WDFY4: variants seen among roughly 807,000 people sequenced by gnomAD.
WDFY4 encodes the protein WD repeat- and FYVE domain-containing protein 4.
Under a neutral mutation model 351.9 loss-of-function variants are expected in WDFY4, and 169 were observed. The ratio of observed to expected loss-of-function variants is 0.48; its 90% CI spans 0.42 to 0.55. WDFY4 has a LOEUF of 0.55. Among genes scored for constraint, WDFY4 ranks in the 20% least tolerant of loss-of-function variants. The pLI, the probability that WDFY4 is intolerant of heterozygous loss-of-function variation, is 0.00. For synonymous variants in WDFY4, 1,622 were observed against 1,574.6 expected, an observed-to-expected ratio of 1.03 and a Z score of -0.71; for missense variants, 3,803 against 3,935.6, an observed-to-expected ratio of 0.97 and a Z score of 0.90.
chr10:48,901,870 G>C lies in WDFY4; in HGVS notation c.7586+7G>C. ...AGGACACCCTCAGTCTAAGGTAATG[G>C]CGGGTAGCCATGCTGTCTGGGCATG... On this transcript the variant is annotated splice_region_variant and intron_variant, in intron 47 of 61. Transcript: ENST00000325239. 6.4e-7 allele frequency: 1 copy of C among 1,551,444 alleles called. No homozygotes were observed. Among genetic ancestry groups the C allele is most frequent in the Non-Finnish European group, 8.7e-7 (1 of 1,146,782 alleles).
intron 12 of WDFY4, among the ~76,000 whole-genome samples, chr10:48,747,277 G>A (rs1001518784): frequency 5.9e-5 from 9 of 151,778 alleles, no homozygotes; most frequent in Admixed American, 2.0e-4. Flanking sequence ...TTCTCTGGTC[G>A]CTTTTAAGAT....
intron 12 of WDFY4, among the ~76,000 whole-genome samples, chr10:48,747,566 A>G (rs2065052301): frequency 6.6e-6 from 1 of 151,962 alleles, no homozygotes; most frequent in Non-Finnish European, 1.5e-5. Flanking sequence ...TGTTCCACAC[A>G]GTTTCTTTTG....
intron 57 of WDFY4, among the ~76,000 whole-genome samples, chr10:48,971,700 G>A (rs1842345070): frequency 6.6e-6 from 1 of 152,164 alleles, no homozygotes; most frequent in Admixed American, 6.5e-5. Flanking sequence ...GTGCTGCGTG[G>A]GCACTCAGCA....
At chr10:48,947,956 G>A (rs1184759779) in intron 51 of WDFY4, among the ~76,000 whole-genome samples, 1 of 152,186 alleles carries the variant, frequency 6.6e-6, no homozygotes, top group Non-Finnish European at 1.5e-5. Flanking sequence ...TCTCAGAAAA[G>A]CCTGGGTATC....
At chr10:48,803,480 C>T in intron 25 of WDFY4, 121 bp downstream of exon 25, 1 of 942,632 alleles carries the variant, frequency 1.1e-6, no homozygotes, top group Non-Finnish European at 1.6e-6. Flanking sequence ...CAAATGGGAG[C>T]ACATCCTTCC....
chr10:48,715,038 A>T (rs1050695454), intron 2 of WDFY4, among the ~76,000 whole-genome samples: 2 of 152,192 alleles, frequency 1.3e-5, no homozygotes, highest in African/African-American at 4.8e-5. Flanking sequence ...TCACTCCTAG[A>T]GTCTAGCTGC....
Position 48,894,714 on chromosome 10 carries a change from G to A in WDFY4, c.7317-2740G>A, listed in dbSNP as rs145325308. On this transcript the variant is annotated intron_variant, in intron 44 of 61. Transcript: ENST00000325239. The stretch of plus-strand genomic sequence containing the variant: ...CAGGGGAGAGAGAACAGCCAGACCT[G>A]CAGCTAAGGTATGGAGAATATTTTC... 2.7e-3 allele frequency among the ~76,000 whole-genome samples: 409 copies of A among 152,330 alleles called. 3 individuals carry two copies. The highest frequency in any genetic ancestry group is 9.2e-3 in the African/African-American group (381 of 41,584).
chr10:48,974,527 A>AAAAAAAAAAAAAAAAAAAAACAAC, intron 57 of WDFY4, among the ~76,000 whole-genome samples: 5 of 23,198 alleles, frequency 2.2e-4, no homozygotes, highest in African/African-American at 2.9e-4. Flanking sequence ...AAAAAAAAAA[A>AAAAAAAAAAAAAAAAAAAAACAAC]AACAACTCAT....
At chr10:48,896,677 G>GA (rs990332671) in intron 44 of WDFY4, among the ~76,000 whole-genome samples, 7 of 152,068 alleles carry the variant, frequency 4.6e-5, no homozygotes, top group African/African-American at 9.7e-5. Flanking sequence ...TCTTCCCTGT[G>GA]GTGCCTGACC....
intron 2 of WDFY4, among the ~76,000 whole-genome samples, chr10:48,712,683 C>A (rs185309805): frequency 9.3e-4 from 142 of 152,252 alleles, no homozygotes; most frequent in Admixed American, 2.2e-3. Flanking sequence ...CAAATCTAAC[C>A]TGAGATGAAG....
chr10:48,702,345 A>G (rs2063502282), intron 1 of WDFY4, among the ~76,000 whole-genome samples: 1 of 152,176 alleles, frequency 6.6e-6, no homozygotes, highest in Admixed American at 6.5e-5. Context: ...AAGAAACAGG[A>G]CATTTCTATC....
At chr10:48,751,838 C>T (rs1255313550) in intron 12 of WDFY4, among the ~76,000 whole-genome samples, 1 of 152,164 alleles carries the variant, frequency 6.6e-6, no homozygotes, top group Non-Finnish European at 1.5e-5. Context: ...TGTCATGCAG[C>T]TGCTGTGGGT....
At position 48,776,911 on chromosome 10, in the gene WDFY4, C is replaced by G; in HGVS notation, c.3025C>G (p.Arg1009Gly). The G allele has an allele frequency of 6.4e-7, 1 of 1,552,220 alleles. No individual in the cohort carries two copies. Among genetic ancestry groups the G allele is most frequent in the South Asian group, 1.2e-5 (1 of 84,064 alleles). Residue 1009 changes from arginine to glycine, a missense_variant, in exon 16 of 62, where the codon CGC (arginine) becomes GGC (glycine). Physicochemically the swap from Arg to Gly is moderately radical, Grantham distance 125 (BLOSUM62 -2). This residue lies in a region of WDFY4 where 3,054 missense variants were observed against 3,148.6 expected (regional missense o/e 0.97). Transcript: ENST00000325239. ...ALSLISMTSP[R>G]NLQPQRAALA... Reference sequence around the variant, plus strand: ...GAGCCTCATCTCCATGACCTCCCCACGCAACCTGCAGCCTCAGAGGGCAGC... The same window carrying G: ...GAGCCTCATCTCCATGACCTCCCCAGGCAACCTGCAGCCTCAGAGGGCAGC...
intron 13 of WDFY4, among the ~76,000 whole-genome samples, chr10:48,762,435 G>A (rs921023308): frequency 2.6e-5 from 4 of 152,226 alleles, no homozygotes; most frequent in Non-Finnish European, 5.9e-5. Flanking sequence ...ACACATAACA[G>A]TGAGATTTGG....
intron 37 of WDFY4, among the ~76,000 whole-genome samples, chr10:48,829,755 G>A (rs2068125547): frequency 1.3e-5 from 2 of 152,134 alleles, no homozygotes; most frequent in South Asian, 4.1e-4. Context: ...GGGAGGCTGA[G>A]GCAGGAAAAT....
chr10:48,819,773 G>A (rs1299844703), intron 32 of WDFY4, among the ~76,000 whole-genome samples: 2 of 152,218 alleles, frequency 1.3e-5, no homozygotes, highest in Non-Finnish European at 2.9e-5. Context: ...AGACTGGGCA[G>A]GAGGTAGAGG....
Position 48,957,270 on chromosome 10 carries a change from G to T in WDFY4, c.8119G>T (p.Gly2707Trp), listed in dbSNP as rs201559690. The part of the protein sequence containing the change: ...YLPEFLTNCN[G>W]VEFGCMQDGT... Reference sequence around the variant, plus strand: ...GCCTGAGTTCTTAACCAACTGCAACGGGGTAGAGTTCGGTAAGTGGAGGCC... The same window carrying T: ...GCCTGAGTTCTTAACCAACTGCAACTGGGTAGAGTTCGGTAAGTGGAGGCC... Residue 2707 changes from glycine to tryptophan, a missense_variant, in exon 52 of 62, where the codon GGG becomes TGG. Around this residue, in one of 3 missense-constraint regions of WDFY4, gnomAD observed 3,054 missense variants for 3,148.6 expected, o/e 0.97. Transcript: ENST00000325239. 2 of 1,551,196 alleles carry T rather than the reference G, an allele frequency of 1.3e-6. No individual in the cohort carries two copies. Among genetic ancestry groups the T allele is most frequent in the Non-Finnish European group, 1.7e-6 (2 of 1,146,564 alleles).
intron 25 of WDFY4, among the ~76,000 whole-genome samples, chr10:48,803,783 A>G (rs1395454040): frequency 6.6e-6 from 1 of 152,242 alleles, no homozygotes; most frequent in Non-Finnish European, 1.5e-5. Flanking sequence ...CAGGAAGAAA[A>G]GACCAGTAAA....
chr10:48,890,758 TC>T, intron 44 of WDFY4, 31 bp downstream of exon 44: 1 of 1,550,864 alleles, frequency 6.4e-7, no homozygotes, highest in Non-Finnish European at 8.7e-7. Context: ...AGCAGATTCT[TC>T]CCTGAGCCCC....
Sources: gnomAD v4.1 joint callset for allele counts (sites outside exome capture counted in the v4.1 genomes callset) on GRCh38, gnomAD v4.1.1 for gene constraint, gnomAD v4.1.1 regional missense constraint, MANE v1.5 for transcripts, NCBI Gene and HGNC (gene_info 2026-07-23, HGNC 2026-07-21) for gene names.